PBRM1: variants seen among roughly 807,000 people sequenced by gnomAD.
The protein encoded by PBRM1 is polybromo 1.
Under a neutral mutation model 194.5 loss-of-function variants are expected in PBRM1, and 27 were observed. The ratio of observed to expected loss-of-function variants is 0.14; its 90% confidence interval spans 0.10 to 0.19. The LOEUF is 0.19. PBRM1 is among the 10% of genes least tolerant of loss of function. The pLI, the probability that PBRM1 is intolerant of heterozygous loss-of-function variation, is 1.00. For synonymous variants in PBRM1, 655 were observed against 693.2 expected (o/e 0.94, Z 0.87); for missense variants, 1,466 against 2,077.2 (o/e 0.71, Z 5.72).
chr3:52,629,003 A>G (rs1270204507), exon 12 of PBRM1: 3 of 1,608,532 alleles, frequency 1.9e-6, no homozygotes, highest in Non-Finnish European at 1.7e-6. Context: ...CAAATGATCT[A>G]AAGTTTCATA....
At chr3:52,598,656 G>T (rs1403413235) in intron 17 of PBRM1, among the ~76,000 whole-genome samples, 1 of 152,114 alleles carries the variant, frequency 6.6e-6, no homozygotes, top group Admixed American at 6.6e-5. Context: ...ATCTCAGGAG[G>T]GGGGATCCCT....
intron 17 of PBRM1, among the ~76,000 whole-genome samples, chr3:52,590,710 G>A (rs1439331763): frequency 2.0e-5 from 3 of 151,968 alleles, no homozygotes; most frequent in Non-Finnish European, 4.4e-5. Context: ...TGATCTGCCC[G>A]CCTTAGCCTC....
chr3:52,603,673 C>T (rs2153349153), exon 17 of PBRM1: 2 of 1,612,638 alleles, frequency 1.2e-6, no homozygotes, highest in East Asian at 2.2e-5. Flanking sequence ...GAGTTCATCA[C>T]GAATTTTAAT....
chr3:52,665,778 G>A (rs746014091), intron 3 of PBRM1, among the ~76,000 whole-genome samples: 1 of 152,092 alleles, frequency 6.6e-6, no homozygotes, highest in Non-Finnish European at 1.5e-5. Context: ...ATTGTCTTCC[G>A]CAAAACTGGT....
At chr3:52,617,204 C>T in intron 14 of PBRM1, 58 bp downstream of exon 16, 1 of 1,430,920 alleles carries the variant, frequency 7.0e-7, no homozygotes, top group Admixed American at 2.1e-5. Context: ...ATGCATTATT[C>T]TATAAGTACC....
intron 20 of PBRM1, among the ~76,000 whole-genome samples, chr3:52,582,596 G>C (rs2091522610): frequency 6.6e-6 from 1 of 151,086 alleles, no homozygotes; most frequent in Non-Finnish European, 1.5e-5. Context: ...CAAAGTGCTG[G>C]GATTACAGGT....
intron 21 of PBRM1, among the ~76,000 whole-genome samples, chr3:52,577,787 TC>T (rs1419433285): frequency 6.6e-6 from 1 of 152,180 alleles, no homozygotes; most frequent in Non-Finnish European, 1.5e-5. Context: ...AGGCGGTGGA[TC>T]TCCTTGCTTC....
At chr3:52,664,543 C>T (rs1213113162) in intron 3 of PBRM1, among the ~76,000 whole-genome samples, 1 of 151,672 alleles carries the variant, frequency 6.6e-6, no homozygotes, top group Admixed American at 6.6e-5. Flanking sequence ...CAAGTCCAGC[C>T]TGGCCAACGT....
At chr3:52,626,413 T>C (rs962663762) in intron 13 of PBRM1, among the ~76,000 whole-genome samples, 2 of 152,248 alleles carry the variant, frequency 1.3e-5, no homozygotes, top group African/African-American at 4.8e-5. Flanking sequence ...GATCTCTTAA[T>C]GCATGTATAG....
intron 16 of PBRM1, among the ~76,000 whole-genome samples, chr3:52,605,866 G>A (rs1311693133): frequency 6.6e-6 from 1 of 152,140 alleles, no homozygotes; most frequent in East Asian, 1.9e-4. Flanking sequence ...GCCTCCCAAA[G>A]TGCTGGGATT....
At chr3:52,577,430 CAAAAAAAAAAAA>C (rs71084193) in intron 21 of PBRM1, among the ~76,000 whole-genome samples, 6 of 65,714 alleles carry the variant, frequency 9.1e-5, no homozygotes, top group African/African-American at 1.3e-4. Context: ...GACAATGTCT[CAAAAAAAAAAAA>C]AAAAAAAAAA....
intron 10 of PBRM1, 149 bp from the exon 12 acceptor site, chr3:52,634,964 C>T (rs2095752763): frequency 1.5e-6 from 1 of 658,190 alleles, no homozygotes; most frequent in Non-Finnish European, 2.6e-6. Flanking sequence ...CTGGCTTTGT[C>T]ACCCAGGCTG....
At chr3:52,568,123 T>A (rs1450222683) in intron 22 of PBRM1, among the ~76,000 whole-genome samples, 1 of 151,968 alleles carries the variant, frequency 6.6e-6, no homozygotes, top group Non-Finnish European at 1.5e-5. Flanking sequence ...GGACTATAGA[T>A]GCCTACCATC....
At chr3:52,677,396 C>T (rs961397854) in intron 2 of PBRM1, among the ~76,000 whole-genome samples, 5 of 144,766 alleles carry the variant, frequency 3.5e-5, no homozygotes, top group African/African-American at 1.3e-4. Context: ...GGCGCCCCAC[C>T]ACCATGCTCG....
At chr3:52,660,483 T>C (rs531374945) in intron 4 of PBRM1, among the ~76,000 whole-genome samples, 5 of 151,996 alleles carry the variant, frequency 3.3e-5, no homozygotes, top group African/African-American at 1.2e-4. Flanking sequence ...TATATGTGTG[T>C]ATATATATTT....
intron 15 of PBRM1, among the ~76,000 whole-genome samples, chr3:52,614,586 T>C (rs75845408): frequency 0.011 from 1,707 of 150,178 alleles, 24 homozygotes; most frequent in African/African-American, 0.037. Flanking sequence ...TTTTTTTTTT[T>C]CCGAGGCAGA....
At chr3:52,579,600 G>C (rs2153691047) in intron 20 of PBRM1, among the ~76,000 whole-genome samples, 1 of 151,150 alleles carries the variant, frequency 6.6e-6, no homozygotes, top group South Asian at 2.1e-4. Flanking sequence ...CCTGTCTCAA[G>C]AAAAAAGTAA....
intron 15 of PBRM1, among the ~76,000 whole-genome samples, chr3:52,610,578 T>C (rs571730520): frequency 6.6e-6 from 1 of 152,340 alleles, no homozygotes; most frequent in Non-Finnish European, 1.5e-5. Flanking sequence ...CCCAGTCTGG[T>C]ATATCTTCAA....
rs1458021884 is a variant in PBRM1 at position 52,563,500 on chromosome 3, A to C, written c.3876-7T>G. ...CTGAGGAACAATTGGTTTTCTGAAA[A>C]AAGTGACATAAAAAACCTAAAATCA... is the stretch of plus-strand genomic sequence containing the variant. On this transcript the variant is annotated splice_region_variant and splice_polypyrimidine_tract_variant and intron_variant, in intron 23 of 29. Coordinates refer to ENST00000296302, the Ensembl canonical transcript of PBRM1. 1 of 1,610,512 alleles carries C rather than the reference A, an allele frequency of 6.2e-7. No homozygotes were observed. The highest frequency in any genetic ancestry group is 1.3e-5 in the African/African-American group (1 of 74,804).
Sources: gnomAD v4.1 joint callset for allele counts (sites outside exome capture counted in the v4.1 genomes callset) on GRCh38, gnomAD v4.1.1 for gene constraint, MANE v1.5 for transcripts, NCBI Gene and HGNC (gene_info 2026-07-23, HGNC 2026-07-21) for gene names.